The following PRKCZ variants were observed in gnomAD, a reference collection of about 807,000 sequenced individuals.
The protein encoded by PRKCZ is protein kinase C zeta, also known as protein kinase C zeta type.
PRKCZ carries 33 observed loss-of-function variants against 79.5 expected under a neutral mutation model. The ratio of observed to expected loss-of-function variants is 0.41; its 90% CI spans 0.31 to 0.55. The LOEUF is 0.55. Ranked by LOEUF, PRKCZ falls within the 20% of genes least tolerant of loss-of-function variation. The pLI, the probability that PRKCZ is intolerant of heterozygous loss-of-function variation, is 0.19. For missense variants in PRKCZ, 578 were observed against 813.5 expected (o/e 0.71, Z 3.52); for synonymous variants, 342 against 320.9 (o/e 1.07, Z -0.70).
Position 2,081,991 on chromosome 1 carries a change from G to A in PRKCZ, c.334+22400G>A, listed in dbSNP as rs546307915. Among the ~76,000 whole-genome samples, 27 of 152,344 alleles carry A rather than the reference G, an allele frequency of 1.8e-4. No homozygotes were observed. In the South Asian group the frequency reaches 4.1e-3, roughly 23 times the overall value. On this transcript the variant is annotated intron_variant, in intron 4 of 17. Coordinates refer to ENST00000378567, the MANE Select transcript of PRKCZ (RefSeq NM_002744.6). Reference sequence around the variant, plus strand: ...GGCAGTCCTCTTTTTTCGGAAATGTGTTCAGTTCTCTTGCATTGCATAATT... The same window carrying A: ...GGCAGTCCTCTTTTTTCGGAAATGTATTCAGTTCTCTTGCATTGCATAATT...
intron 1 of PRKCZ, among the ~76,000 whole-genome samples, chr1:2,053,678 A>C (rs1571070449): frequency 6.6e-6 from 1 of 152,104 alleles, no homozygotes; most frequent in African/African-American, 2.4e-5. Flanking sequence ...TGGAGGCAGG[A>C]CTGTAGGGGT....
At position 2,168,147 on chromosome 1, in the gene PRKCZ, G is replaced by C. The variant is rs1284306614; in HGVS notation, c.975-1371G>C. ...GGATTGGCAAACTTTTTCTTGAAGG[G>C]CCCAAGAGTAGACATTTTTGGCTTT... On this transcript the variant is annotated intron_variant, in intron 10 of 17. Coordinates refer to ENST00000378567, the MANE Select transcript of PRKCZ (RefSeq NM_002744.6). This position sits in a 1 kb window ranked among gnomAD's most constrained non-coding sequence, Gnocchi z 4.7. Among the ~76,000 whole-genome samples the C allele has an allele frequency of 6.6e-6, 1 of 152,128 alleles. No individual in the cohort carries two copies. Among genetic ancestry groups the C allele is most frequent in the Non-Finnish European group, 1.5e-5 (1 of 68,026 alleles).
At chr1:2,118,978 C>T (rs941317134) in intron 4 of PRKCZ, among the ~76,000 whole-genome samples, 1 of 152,002 alleles carries the variant, frequency 6.6e-6, no homozygotes, top group South Asian at 2.1e-4. Context: ...GCTATGGGTC[C>T]TTATTTGTCC....
At chr1:2,083,516 A>G (rs1228807898) in intron 4 of PRKCZ, among the ~76,000 whole-genome samples, 1 of 152,256 alleles carries the variant, frequency 6.6e-6, no homozygotes, top group Admixed American at 6.5e-5. Context: ...ATTTTAATGA[A>G]AAGTGACTAT....
chr1:2,063,849 T>C (rs891426353), intron 4 of PRKCZ, among the ~76,000 whole-genome samples: 2 of 150,390 alleles, frequency 1.3e-5, no homozygotes, highest in Non-Finnish European at 3.0e-5. Context: ...CCATTTCTTT[T>C]TTTTTTTTTT....
chr1:2,096,785 G>T (rs948461984), intron 4 of PRKCZ, among the ~76,000 whole-genome samples: 14 of 152,192 alleles, frequency 9.2e-5, no homozygotes, highest in African/African-American at 3.1e-4. Flanking sequence ...GAGGTCAGGG[G>T]CAGCCAAGGG....
In PRKCZ at chr1:2,058,880, G is replaced by A. The variant is rs557895861; in HGVS notation, c.284-661G>A. 3.3e-5 allele frequency among the ~76,000 whole-genome samples: 5 copies of A among 152,260 alleles called. No individual in the cohort carries two copies. The East Asian group carries it at 9.6e-4, about 29-fold the overall frequency. On this transcript the variant is annotated intron_variant, in intron 3 of 17. Transcript: ENST00000378567. ...CACTGAGCTCCAGCCTGGGCACAGAGTGAGACTCCATCTGAAAAAAACCAA... is the reference window on the plus strand; with the variant it reads ...CACTGAGCTCCAGCCTGGGCACAGAATGAGACTCCATCTGAAAAAAACCAA...
chr1:2,088,693 C>T (rs1358944627), intron 4 of PRKCZ, among the ~76,000 whole-genome samples: 1 of 152,178 alleles, frequency 6.6e-6, no homozygotes, highest in Non-Finnish European at 1.5e-5. Context: ...TGACCAAACC[C>T]AGGTCATGTG....
intron 4 of PRKCZ, among the ~76,000 whole-genome samples, chr1:2,130,436 G>A (rs1374776735): frequency 1.3e-5 from 2 of 152,186 alleles, no homozygotes; most frequent in Non-Finnish European, 2.9e-5. Context: ...GGCTGGGAGG[G>A]CGAGGAAAAT....
intron 4 of PRKCZ, among the ~76,000 whole-genome samples, chr1:2,089,960 C>T (rs932654423): frequency 2.6e-5 from 4 of 152,146 alleles, no homozygotes; most frequent in Non-Finnish European, 4.4e-5. Flanking sequence ...AGCTGGGTTT[C>T]GGCAGGGCTG....
Position 2,075,986 on chromosome 1 carries a change from C to T in PRKCZ, c.334+16395C>T, listed in dbSNP as rs1662338466. 1.3e-5 allele frequency among the ~76,000 whole-genome samples: 2 copies of T among 152,258 alleles called. No homozygotes were observed. Among genetic ancestry groups the T allele is most frequent in the South Asian group, 2.1e-4 (1 of 4,836 alleles). The stretch of plus-strand genomic sequence containing the variant: ...GGGGCGGGAGGACCATCCATGGGGT[C>T]AGGCACCAACCTCTGCTGAGGATCC... On this transcript the variant is annotated intron_variant, in intron 4 of 17. Coordinates refer to ENST00000378567, the MANE Select transcript of PRKCZ (RefSeq NM_002744.6). The surrounding 1 kb of genome is among the most constrained non-coding windows in gnomAD (Gnocchi z 4.8).
chr1:2,058,852 T>G (rs1329782361), intron 3 of PRKCZ, among the ~76,000 whole-genome samples: 1 of 152,174 alleles, frequency 6.6e-6, no homozygotes, highest in African/African-American at 2.4e-5. Flanking sequence ...GCTGAGATTG[T>G]GCCACTGAGC....
intron 10 of PRKCZ, among the ~76,000 whole-genome samples, chr1:2,158,258 G>C (rs2103319602): frequency 6.6e-6 from 1 of 152,296 alleles, no homozygotes; most frequent in South Asian, 2.1e-4. Flanking sequence ...TGTTGGGCCT[G>C]AGCCATATTT....
At chr1:2,124,912 G>A (rs1673575779) in intron 4 of PRKCZ, among the ~76,000 whole-genome samples, 1 of 152,154 alleles carries the variant, frequency 6.6e-6, no homozygotes, top group African/African-American at 2.4e-5. Context: ...ATTGTTCGTG[G>A]GAGGAGGGTT....
chr1:2,080,617 A>G (rs1663316691), intron 4 of PRKCZ, among the ~76,000 whole-genome samples: 1 of 152,172 alleles, frequency 6.6e-6, no homozygotes, highest in South Asian at 2.1e-4. Context: ...GAGCACAAGC[A>G]TTCCCTCCCT....
In PRKCZ at chr1:2,172,470, T is replaced by C; in HGVS notation, c.1285+82T>C. The C allele has an allele frequency of 7.0e-7, 1 of 1,419,486 alleles. No individual in the cohort carries two copies. The highest frequency in any genetic ancestry group is 9.5e-7 in the Non-Finnish European group (1 of 1,049,628). The allele number at this position is 1,419,486 out of a possible 1,614,324, so 87.9% of individuals were successfully genotyped here. A position where few individuals can be genotyped will look rare whatever the true frequency, so the allele number is the denominator to read the frequency against. The stretch of plus-strand genomic sequence containing the variant: ...GCCTGGCCCAGCAGCCAGGGAGAGG[T>C]GTCCTTGACCATCTTACACCCAAAA... On this transcript the variant is annotated intron_variant, in intron 13 of 17. Coordinates refer to ENST00000378567, the MANE Select transcript of PRKCZ (RefSeq NM_002744.6). The surrounding 1 kb of genome is among the most constrained non-coding windows in gnomAD (Gnocchi z 7.8).
intron 4 of PRKCZ, among the ~76,000 whole-genome samples, chr1:2,113,761 G>A (rs115242991): frequency 6.6e-6 from 1 of 152,184 alleles, no homozygotes; most frequent in Non-Finnish European, 1.5e-5. Context: ...GACTCATGGG[G>A]CAGAGGCTGT....
chr1:2,091,991 C>G (rs1665594675), intron 4 of PRKCZ, among the ~76,000 whole-genome samples: 1 of 151,454 alleles, frequency 6.6e-6, no homozygotes, highest in Non-Finnish European at 1.5e-5. Flanking sequence ...AGCGTCGTGC[C>G]AGACAGTGCT....
At chr1:2,065,552 G>T in intron 4 of PRKCZ, among the ~76,000 whole-genome samples, 1 of 152,192 alleles carries the variant, frequency 6.6e-6, no homozygotes, top group South Asian at 2.1e-4. Flanking sequence ...GGTTGCAGGC[G>T]CCTGTAGTCC....
Sources: allele counts gnomAD v4.1 joint callset (sites outside exome capture counted in the v4.1 genomes callset), GRCh38; gene constraint gnomAD v4.1.1; non-coding constraint Gnocchi (gnomAD v3.1); transcripts MANE v1.5; gene names NCBI Gene and HGNC (gene_info 2026-07-23, HGNC 2026-07-21).